Variants in ERC2 observed in about 807,000 individuals in gnomAD.
The protein encoded by ERC2 is ELKS/RAB6-interacting/CAST family member 2.
A neutral mutation model predicts 114.8 loss-of-function variants in ERC2; 42 were observed. The ratio of observed to expected loss-of-function variants is 0.37; its 90% CI spans 0.29 to 0.47. ERC2 has a LOEUF of 0.47. ERC2 is among the 20% of genes least tolerant of loss of function. ERC2 has a pLI of 0.99. For synonymous variants in ERC2, 454 were observed against 425.5 expected, an observed-to-expected ratio of 1.07 and a Z score of -0.82; for missense variants, 939 against 1,150.7, an observed-to-expected ratio of 0.82 and a Z score of 2.66.
intron 10 of ERC2, among the ~76,000 whole-genome samples, chr3:55,995,999 G>A (rs1576494392): frequency 6.6e-6 from 1 of 152,110 alleles, no homozygotes; most frequent in Non-Finnish European, 1.5e-5. Context: ...AGCAGCTCCC[G>A]ATAGAGATCA....
At chr3:55,710,857 G>A (rs1217708477) in intron 15 of ERC2, among the ~76,000 whole-genome samples, 2 of 152,130 alleles carry the variant, frequency 1.3e-5, no homozygotes. Flanking sequence ...TTCAATTAGT[G>A]AATCCAAGCT....
At chr3:55,772,353 A>C (rs1186560445) in intron 14 of ERC2, among the ~76,000 whole-genome samples, 3 of 147,320 alleles carry the variant, frequency 2.0e-5, no homozygotes, top group South Asian at 2.2e-4. Flanking sequence ...CTCGCTCTGT[A>C]GCCCAGGCTG....
chr3:55,756,737 T>G (rs1409887351), intron 14 of ERC2, among the ~76,000 whole-genome samples: 1 of 152,164 alleles, frequency 6.6e-6, no homozygotes, highest in Non-Finnish European at 1.5e-5. Context: ...GCCTGGAAGA[T>G]CACTCTTTTT....
At chr3:55,681,742 T>G (rs1307264828) in intron 17 of ERC2, among the ~76,000 whole-genome samples, 1 of 152,238 alleles carries the variant, frequency 6.6e-6, no homozygotes, top group Non-Finnish European at 1.5e-5. Context: ...GCATGGCATT[T>G]GGGGAAATTC....
At chr3:55,648,151 T>C (rs1559796481) in intron 17 of ERC2, among the ~76,000 whole-genome samples, 1 of 152,254 alleles carries the variant, frequency 6.6e-6, no homozygotes, top group Non-Finnish European at 1.5e-5. Context: ...CCTTCATTCA[T>C]TCACTCCTTT....
intron 13 of ERC2, among the ~76,000 whole-genome samples, chr3:55,949,986 C>T (rs146112792): frequency 6.6e-6 from 1 of 152,262 alleles, no homozygotes; most frequent in East Asian, 1.9e-4. Context: ...CAGTCTTGAA[C>T]AAAACAAAAC....
intron 17 of ERC2, among the ~76,000 whole-genome samples, chr3:55,557,960 C>T (rs116424969): frequency 0.019 from 2,838 of 152,342 alleles, 39 homozygotes; most frequent in South Asian, 0.031. Context: ...GTCAGAATGC[C>T]TGCGTTGAAA....
intron 3 of ERC2, among the ~76,000 whole-genome samples, chr3:56,240,782 T>C (rs182663178): frequency 1.2e-4 from 19 of 152,334 alleles, no homozygotes; most frequent in African/African-American, 4.6e-4. Context: ...CAAATACTTG[T>C]AGAATAAATG....
At chr3:55,537,021 G>A (rs1317240769) in intron 17 of ERC2, among the ~76,000 whole-genome samples, 1 of 152,180 alleles carries the variant, frequency 6.6e-6, no homozygotes, top group Admixed American at 6.5e-5. Context: ...AAAAGGTAAA[G>A]GGTCCAGATT....
intron 7 of ERC2, among the ~76,000 whole-genome samples, chr3:56,045,687 C>T (rs2075419187): frequency 6.6e-6 from 1 of 152,102 alleles, no homozygotes; most frequent in Admixed American, 6.6e-5. Flanking sequence ...TTAAGAGTTT[C>T]CATGAGGTTA....
intron 14 of ERC2, among the ~76,000 whole-genome samples, chr3:55,878,104 A>G (rs1429035555): frequency 1.3e-5 from 2 of 152,182 alleles, no homozygotes; most frequent in Non-Finnish European, 2.9e-5. Context: ...GATAGAGATA[A>G]CATGAAGTAT....
chr3:56,097,791 C>A (rs1160072075), intron 6 of ERC2, among the ~76,000 whole-genome samples: 1 of 152,134 alleles, frequency 6.6e-6, no homozygotes, highest in Non-Finnish European at 1.5e-5. Context: ...AAAACACCCA[C>A]AAACTAAGGG....
intron 2 of ERC2, among the ~76,000 whole-genome samples, chr3:56,401,160 T>C (rs1019493161): frequency 1.3e-5 from 2 of 152,234 alleles, no homozygotes; most frequent in Admixed American, 6.5e-5. Context: ...GTGCTACCAC[T>C]ACCTGGAGGT....
At chr3:55,769,687 A>C (rs9857120) in intron 14 of ERC2, among the ~76,000 whole-genome samples, 41,745 of 151,998 alleles carry the variant, frequency 0.27, 6,896 homozygotes, top group African/African-American at 0.45. Flanking sequence ...ACCAATATAC[A>C]TTACATATTG....
At chr3:56,013,429 A>G (rs1341796169) in intron 8 of ERC2, among the ~76,000 whole-genome samples, 8 of 152,178 alleles carry the variant, frequency 5.3e-5, no homozygotes, top group Non-Finnish European at 1.5e-5. Context: ...GAAGATTGTG[A>G]TGTTGCCAAA....
At chr3:56,355,656 G>A (rs891546752) in intron 2 of ERC2, among the ~76,000 whole-genome samples, 1 of 152,054 alleles carries the variant, frequency 6.6e-6, no homozygotes, top group African/African-American at 2.4e-5. Context: ...TATTCCAGAC[G>A]ATGAGTCAGA....
chr3:55,648,160 T>C (rs942023803), intron 17 of ERC2, among the ~76,000 whole-genome samples: 4 of 152,230 alleles, frequency 2.6e-5, no homozygotes. Context: ...ATTCACTCCT[T>C]TTATCTTCAT....
chr3:55,622,512 T>A (rs35004621), intron 17 of ERC2, among the ~76,000 whole-genome samples: 6 of 152,150 alleles, frequency 3.9e-5, no homozygotes, highest in Admixed American at 3.9e-4. Context: ...AAATATATCA[T>A]AGCATTTGAA....
At chr3:56,166,112 G>C (rs2082313508) in intron 4 of ERC2, among the ~76,000 whole-genome samples, 1 of 151,910 alleles carries the variant, frequency 6.6e-6, no homozygotes, top group South Asian at 2.1e-4. Flanking sequence ...GATGGATGTT[G>C]CATTAATCAA....
Sources: gnomAD v4.1 joint callset for allele counts (sites outside exome capture counted in the v4.1 genomes callset) on GRCh38, gnomAD v4.1.1 for gene constraint, MANE v1.5 for transcripts, NCBI Gene and HGNC (gene_info 2026-07-23, HGNC 2026-07-21) for gene names.